The following ITSN2 variants were observed in gnomAD, a reference collection of about 807,000 sequenced individuals.
The protein encoded by ITSN2 is intersectin 2.
ITSN2 carries 156 observed loss-of-function variants against 243.7 expected under a neutral mutation model. The observed-to-expected ratio is 0.64, with a 90% CI of 0.56 to 0.73. The LOEUF (loss-of-function observed/expected upper bound fraction) is 0.73, where lower values mean the gene tolerates loss of function less well. Among genes scored for constraint, ITSN2 ranks in the 30% least tolerant of loss-of-function variants. The pLI is 0.00. For synonymous variants in ITSN2, 703 were observed against 699.9 expected, an observed-to-expected ratio of 1.00 and a Z score of -0.07; for missense variants, 1,801 against 1,996.1, an observed-to-expected ratio of 0.90 and a Z score of 1.86.
chr2:24,296,983 C>G (rs1275524194), intron 13 of ITSN2, among the ~76,000 whole-genome samples: 1 of 152,024 alleles, frequency 6.6e-6, no homozygotes, highest in African/African-American at 2.4e-5. Flanking sequence ...TGCACCAGTT[C>G]TTGAGGGAAA....
chr2:24,212,819 C>T, intron 32 of ITSN2, 71 bp from the exon 33 acceptor site: 1 of 1,191,720 alleles, frequency 8.4e-7, no homozygotes, highest in South Asian at 1.2e-5. Context: ...CTTTGATCGC[C>T]TTTTAGATTT....
At chr2:24,261,400 T>C (rs1675836045) in intron 21 of ITSN2, 150 bp from the exon 22 acceptor site, 5 of 899,298 alleles carry the variant, frequency 5.6e-6, no homozygotes, top group Non-Finnish European at 8.3e-6. Context: ...TGACCCATGT[T>C]TTCACTTACT....
At chr2:24,311,288 A>G (rs1683234153) in intron 5 of ITSN2, among the ~76,000 whole-genome samples, 1 of 152,250 alleles carries the variant, frequency 6.6e-6, no homozygotes, top group South Asian at 2.1e-4. Flanking sequence ...TTCATTTATT[A>G]ACTGCAGAAT....
At chr2:24,315,271 A>C (rs1574283424) in intron 2 of ITSN2, 47 bp from the exon 3 acceptor site, 1 of 998,122 alleles carries the variant, frequency 1.0e-6, no homozygotes, top group Non-Finnish European at 1.6e-6. Context: ...GAGAATGCTT[A>C]AAATACAATT....
chr2:24,212,025 G>T (rs1041985707), intron 33 of ITSN2, among the ~76,000 whole-genome samples: 7 of 152,226 alleles, frequency 4.6e-5, no homozygotes, highest in African/African-American at 1.7e-4. Flanking sequence ...TTCTTTGTAA[G>T]TTACTGTAAT....
At chr2:24,356,210 A>AG in intron 1 of ITSN2, among the ~76,000 whole-genome samples, 1 of 150,834 alleles carries the variant, frequency 6.6e-6, no homozygotes, top group Non-Finnish European at 1.5e-5. Flanking sequence ...CTCAAAAAAA[A>AG]AAAAAATAGC....
intron 18 of ITSN2, among the ~76,000 whole-genome samples, chr2:24,273,188 T>G (rs1677589883): frequency 6.6e-6 from 1 of 152,212 alleles, no homozygotes. Context: ...TCTCCTTATC[T>G]CTCAACTGTT....
intron 17 of ITSN2, among the ~76,000 whole-genome samples, chr2:24,281,302 T>C (rs527780096): frequency 4.2e-4 from 64 of 152,346 alleles, no homozygotes; most frequent in African/African-American, 1.5e-3. Context: ...AGTGCAGGGA[T>C]TATAGGCGTG....
chr2:24,337,308 T>C (rs1278051675), intron 1 of ITSN2, among the ~76,000 whole-genome samples: 21 of 30,560 alleles, frequency 6.9e-4, no homozygotes, highest in African/African-American at 2.1e-3. Flanking sequence ...TGTGTGTGTA[T>C]ACACAAAATA....
intron 1 of ITSN2, among the ~76,000 whole-genome samples, chr2:24,332,286 A>G (rs1378574014): frequency 6.6e-6 from 1 of 152,128 alleles, no homozygotes; most frequent in African/African-American, 2.4e-5. Flanking sequence ...TTGTCTGCCC[A>G]TGTCCTGCCT....
chr2:24,266,745 A>G (rs13405045), intron 20 of ITSN2, among the ~76,000 whole-genome samples: 7,565 of 149,774 alleles, frequency 0.051, 215 homozygotes, highest in South Asian at 0.11. Context: ...CGTAGGCAAC[A>G]TAGTGAGAAA....
rs1265112376 is a variant in ITSN2 at position 24,349,066 on chromosome 2, A to C, written c.-34+11238T>G. Among the ~76,000 whole-genome samples, 6 of 152,202 alleles carry C rather than the reference A, an allele frequency of 3.9e-5. 1 individual carries two copies. The highest frequency in any genetic ancestry group is 2.0e-4 in the Admixed American group (3 of 15,282). ...ATGACAGCTTGAGCTCAGGAGTTTG[A>C]GACCAGTCTGAGCAACATAGTGAGA... On this transcript the variant is annotated intron_variant, in intron 1 of 39. Coordinates refer to ENST00000355123, the MANE Select transcript of ITSN2 (RefSeq NM_006277.3).
chr2:24,236,406 A>T (rs1672155296), intron 29 of ITSN2, among the ~76,000 whole-genome samples: 1 of 152,162 alleles, frequency 6.6e-6, no homozygotes, highest in South Asian at 2.1e-4. Flanking sequence ...GAGGTGATAA[A>T]AATGTCTTAT....
chr2:24,326,472 G>A (rs181362267), intron 2 of ITSN2, among the ~76,000 whole-genome samples: 1 of 152,298 alleles, frequency 6.6e-6, no homozygotes, highest in Admixed American at 6.5e-5. Context: ...ACTGTTTAAT[G>A]CAAATTCCTT....
chr2:24,290,654 C>G (rs1171757658), intron 15 of ITSN2, among the ~76,000 whole-genome samples: 1 of 152,010 alleles, frequency 6.6e-6, no homozygotes, highest in African/African-American at 2.4e-5. Context: ...ACATAGAGAG[C>G]GGTAAAGAGC....
chr2:24,248,300 T>C (rs982335012), intron 27 of ITSN2, among the ~76,000 whole-genome samples: 4 of 152,326 alleles, frequency 2.6e-5, no homozygotes, highest in Middle Eastern at 3.4e-3. Flanking sequence ...CTAGAGGCTA[T>C]ACTGCAAGCC....
At chr2:24,269,080 T>C (rs1677034448) in intron 20 of ITSN2, among the ~76,000 whole-genome samples, 1 of 151,394 alleles carries the variant, frequency 6.6e-6, no homozygotes, top group Non-Finnish European at 1.5e-5. Flanking sequence ...TTCCTACTAC[T>C]AGTCACTCCT....
intron 2 of ITSN2, among the ~76,000 whole-genome samples, chr2:24,322,629 AG>A: frequency 6.6e-6 from 1 of 152,332 alleles, no homozygotes; most frequent in Non-Finnish European, 1.5e-5. Context: ...AACTTCCTGA[AG>A]AAAATATGGA....
chr2:24,259,435 T>C (rs1041009364), intron 22 of ITSN2, among the ~76,000 whole-genome samples: 94 of 152,348 alleles, frequency 6.2e-4, no homozygotes, highest in African/African-American at 2.2e-3. Flanking sequence ...CCAGACTTTA[T>C]GTTAGTGCCA....
Sources: gnomAD v4.1 joint callset for allele counts (sites outside exome capture counted in the v4.1 genomes callset) on GRCh38, gnomAD v4.1.1 for gene constraint, MANE v1.5 for transcripts, NCBI Gene and HGNC (gene_info 2026-07-23, HGNC 2026-07-21) for gene names.